IQCJ: variants seen among roughly 807,000 people sequenced by gnomAD.
IQCJ encodes IQ motif containing J.
Under a neutral mutation model 11.0 loss-of-function variants are expected in IQCJ, and 9 were observed. That is an observed-to-expected ratio of 0.82 (90% CI 0.49 to 1.43). The LOEUF (loss-of-function observed/expected upper bound fraction) is 1.43, where lower values mean the gene tolerates loss of function less well. Ranked by LOEUF, IQCJ falls within the 40% of genes most tolerant of loss-of-function variation. IQCJ has a pLI of 0.00. For synonymous variants in IQCJ, 55 were observed against 51.3 expected (o/e 1.07, Z -0.31); for missense variants, 146 against 133.2 (o/e 1.10, Z -0.47).
intron 1 of IQCJ, among the ~76,000 whole-genome samples, chr3:159,092,656 C>T (rs1255597826): frequency 6.7e-6 from 1 of 149,632 alleles, no homozygotes. Flanking sequence ...CGAGATTGCA[C>T]CACTGCACTC....
intron 1 of IQCJ, among the ~76,000 whole-genome samples, chr3:159,085,205 A>G (rs1348120138): frequency 6.6e-6 from 1 of 151,744 alleles, no homozygotes; most frequent in East Asian, 2.0e-4. Flanking sequence ...ACTGAGAATG[A>G]TGGTTTCCAA....
intron 1 of IQCJ, among the ~76,000 whole-genome samples, chr3:159,214,441 C>G (rs1242648316): frequency 2.0e-5 from 3 of 152,192 alleles, no homozygotes; most frequent in African/African-American, 7.2e-5. Flanking sequence ...CCTTCCTATT[C>G]AGGTCCTACA....
At chr3:159,110,330 G>A (rs1215950780) in intron 1 of IQCJ, among the ~76,000 whole-genome samples, 8 of 152,188 alleles carry the variant, frequency 5.3e-5, no homozygotes, top group Non-Finnish European at 1.2e-4. Flanking sequence ...ACCACTCAGT[G>A]AAGGTTAGCT....
chr3:159,119,065 G>C (rs971559865), intron 1 of IQCJ, among the ~76,000 whole-genome samples: 1 of 152,156 alleles, frequency 6.6e-6, no homozygotes, highest in South Asian at 2.1e-4. Context: ...TCTGAGAACC[G>C]AGCCTTGGCA....
At chr3:159,262,447 A>G in intron 3 of IQCJ, 101 bp from the exon 4 acceptor site, 9 of 1,507,578 alleles carry the variant, frequency 6.0e-6, no homozygotes, top group Non-Finnish European at 8.0e-6. Flanking sequence ...CTTGGCACCA[A>G]AGCCAATTCC....
At chr3:159,149,585 GA>G (rs1035333162) in intron 1 of IQCJ, among the ~76,000 whole-genome samples, 3 of 152,170 alleles carry the variant, frequency 2.0e-5, no homozygotes, top group Admixed American at 2.0e-4. Flanking sequence ...AGAGAATGGA[GA>G]AATATAATGG....
rs778728376 is a variant in IQCJ at position 159,245,832 on chromosome 3, CT to C, written c.10-6del. On this transcript the variant is annotated splice_polypyrimidine_tract_variant and intron_variant, in intron 1 of 3. Transcript: ENST00000397832. ...TGACAATTTGTAAGATATATCTTCT[CT>C]TTTTCACAGGAAGAACTGAAAAGAT... 1.1e-5 allele frequency: 17 copies of C among 1,541,770 alleles called. No individual in the cohort carries two copies. In the East Asian group the frequency reaches 4.1e-4, roughly 37 times the overall value.
chr3:159,242,933 A>C (rs569300700), intron 1 of IQCJ, among the ~76,000 whole-genome samples: 6 of 152,188 alleles, frequency 3.9e-5, no homozygotes, highest in Non-Finnish European at 8.8e-5. Context: ...ACCCCATAAT[A>C]TATAAAGAAT....
intron 1 of IQCJ, among the ~76,000 whole-genome samples, chr3:159,227,734 T>C (rs1725942566): frequency 6.6e-6 from 1 of 152,192 alleles, no homozygotes; most frequent in Non-Finnish European, 1.5e-5. Context: ...AAGGAGAGCC[T>C]TTACCCAAAG....
chr3:159,235,225 T>G (rs1726507281), intron 1 of IQCJ, among the ~76,000 whole-genome samples: 1 of 152,224 alleles, frequency 6.6e-6, no homozygotes, highest in Non-Finnish European at 1.5e-5. Flanking sequence ...TATTTTGATC[T>G]CAGTTGAATT....
At chr3:159,110,138 G>T (rs1718534930) in intron 1 of IQCJ, among the ~76,000 whole-genome samples, 1 of 152,260 alleles carries the variant, frequency 6.6e-6, no homozygotes, top group Admixed American at 6.5e-5. Context: ...GACAATGTAG[G>T]CTTCAAAAAC....
At chr3:159,151,358 A>G (rs1029325738) in intron 1 of IQCJ, among the ~76,000 whole-genome samples, 6 of 152,046 alleles carry the variant, frequency 3.9e-5, no homozygotes, top group African/African-American at 1.4e-4. Context: ...AATCCAGCCT[A>G]TTTGGCCTGT....
rs373180588 is a variant in IQCJ, at chr3:159,156,474, G to T, written c.9+87033G>T. On this transcript the variant is annotated intron_variant, in intron 1 of 3. Transcript: ENST00000397832. ...AGAGGCTGTATGGCACGTTCCAAGA[G>T]CAATAAAGAGACAAGTTTTGCTGTA... 5.3e-5 allele frequency among the ~76,000 whole-genome samples: 8 copies of T among 152,168 alleles called. No homozygotes were observed. The East Asian group carries it at 1.2e-3, about 22-fold the overall frequency.
At chr3:159,133,338 AT>A (rs1210699986) in intron 1 of IQCJ, among the ~76,000 whole-genome samples, 1 of 152,214 alleles carries the variant, frequency 6.6e-6, no homozygotes, top group Non-Finnish European at 1.5e-5. Context: ...TCAATTTAGT[AT>A]TTATAAAAAT....
chr3:159,167,529 T>C (rs1481900345), intron 1 of IQCJ, among the ~76,000 whole-genome samples: 1 of 152,338 alleles, frequency 6.6e-6, no homozygotes, highest in South Asian at 2.1e-4. Flanking sequence ...TAAAATGTTG[T>C]CCTTTACAGA....
chr3:159,145,789 T>C (rs572460370), intron 1 of IQCJ, among the ~76,000 whole-genome samples: 22 of 152,198 alleles, frequency 1.4e-4, no homozygotes, highest in Non-Finnish European at 2.5e-4. Context: ...TTAACAAATA[T>C]GTTTTGGGCA....
intron 1 of IQCJ, among the ~76,000 whole-genome samples, chr3:159,094,723 A>G (rs908055703): frequency 5.3e-5 from 8 of 151,730 alleles, no homozygotes; most frequent in Non-Finnish European, 1.2e-4. Context: ...AAGATGTGTG[A>G]TCTCTATCAG....
intron 1 of IQCJ, among the ~76,000 whole-genome samples, chr3:159,152,941 G>T (rs979399538): frequency 2.2e-5 from 3 of 138,842 alleles, no homozygotes; most frequent in Admixed American, 1.3e-4. Flanking sequence ...AGAGCTGTCA[G>T]GGCCATTTTG....
chr3:159,108,006 C>CAAAAA (rs367862873), intron 1 of IQCJ, among the ~76,000 whole-genome samples: 7 of 100,870 alleles, frequency 6.9e-5, no homozygotes, highest in Non-Finnish European at 1.3e-4. Context: ...TATGGTTTTC[C>CAAAAA]AAAAAAAAAA....
Sources: gnomAD v4.1 joint callset for allele counts (sites outside exome capture counted in the v4.1 genomes callset) on GRCh38, gnomAD v4.1.1 for gene constraint, MANE v1.5 for transcripts, NCBI Gene and HGNC (gene_info 2026-07-23, HGNC 2026-07-21) for gene names.